SIM2: variants seen among roughly 807,000 people sequenced by gnomAD.
SIM2 encodes single-minded homolog 2.
In SIM2, 28 loss-of-function variants were observed where a neutral mutation model predicts 64.8. That is an observed-to-expected ratio of 0.43 (90% CI 0.32 to 0.59). The LOEUF is 0.59. Ranked by LOEUF, SIM2 falls within the 20% of genes least tolerant of loss-of-function variation. The pLI is 0.07. For missense variants in SIM2, 847 were observed against 871.4 expected, an observed-to-expected ratio of 0.97 and a Z score of 0.35; for synonymous variants, 408 against 391.1, an observed-to-expected ratio of 1.04 and a Z score of -0.51.
At position 36,749,316 on chromosome 21, in the gene SIM2, C is replaced by T. The variant is rs1429761524; in HGVS notation, c.*1224C>T. 2 of 152,588 alleles carry T rather than the reference C, an allele frequency of 1.3e-5. No individual in the cohort carries two copies. The highest frequency in any genetic ancestry group is 2.9e-5 in the Non-Finnish European group (2 of 68,034). 9.5% of individuals were successfully genotyped at this position (152,588 alleles called of 1,614,324 possible). A position where few individuals can be genotyped will look rare whatever the true frequency, so the allele number is the denominator to read the frequency against. On this transcript the variant is annotated 3_prime_UTR_variant, in exon 11 of 11. Transcript: ENST00000290399. Reference sequence around the variant, plus strand: ...CTATCAACACTGCAGCATTTTGCTGCTTTATCAAAATGGTTTATTTTAGGA... The same window carrying T: ...CTATCAACACTGCAGCATTTTGCTGTTTTATCAAAATGGTTTATTTTAGGA...
intron 3 of SIM2, 151 bp downstream of exon 3, chr21:36,712,773 C>T: frequency 1.7e-6 from 1 of 594,828 alleles, no homozygotes; most frequent in Non-Finnish European, 3.0e-6. Flanking sequence ...CTTCTCAGGA[C>T]ATCCTGCAGG....
rs1352416889 is a variant in SIM2, at chr21:36,699,954, G to A, written c.175+33G>A. The A allele has an allele frequency of 6.4e-7, 1 of 1,551,324 alleles. No individual in the cohort carries two copies. The highest frequency in any genetic ancestry group is 1.2e-5 in the South Asian group (1 of 82,904). On this transcript the variant is annotated intron_variant, in intron 1 of 10. Coordinates refer to ENST00000290399, the MANE Select transcript of SIM2 (RefSeq NM_005069.6). This position sits in a 1 kb window ranked among gnomAD's most constrained non-coding sequence, Gnocchi z 5.6. ...CTCAGGTGGGCGGCCGGGGACGCTG[G>A]GGAGCCCGGCGGCCCCGGCCCAGGC...
chr21:36,705,036 G>C (rs1478427880), intron 1 of SIM2, among the ~76,000 whole-genome samples: 1 of 152,210 alleles, frequency 6.6e-6, no homozygotes, highest in East Asian at 1.9e-4. Flanking sequence ...GGCTGTCCTA[G>C]AGCAACTAGG....
intron 7 of SIM2, among the ~76,000 whole-genome samples, chr21:36,732,590 G>C (rs537952508): frequency 6.6e-6 from 1 of 152,352 alleles, no homozygotes; most frequent in African/African-American, 2.4e-5. Flanking sequence ...GGCTGAGCAG[G>C]CACAGACGGC....
At chr21:36,741,399 A>T (rs2089156308) in intron 7 of SIM2, among the ~76,000 whole-genome samples, 1 of 152,184 alleles carries the variant, frequency 6.6e-6, no homozygotes, top group Non-Finnish European at 1.5e-5. Flanking sequence ...AGCAGATTGA[A>T]TTTTTTCATT....
chr21:36,733,576 T>TC (rs1491045155), intron 7 of SIM2, among the ~76,000 whole-genome samples: 366 of 148,696 alleles, frequency 2.5e-3, no homozygotes, highest in Non-Finnish European at 4.5e-3. Context: ...TTTTTTTTTT[T>TC]TCAGACAGAG....
intron 4 of SIM2, 115 bp from the exon 5 acceptor site, chr21:36,722,930 C>T: frequency 1.2e-6 from 1 of 803,588 alleles, no homozygotes; most frequent in Non-Finnish European, 2.2e-6. Context: ...TCTGGGCACA[C>T]TGAGAAGGCC....
intron 7 of SIM2, among the ~76,000 whole-genome samples, chr21:36,731,965 C>A (rs1057177449): frequency 6.6e-6 from 1 of 152,186 alleles, no homozygotes; most frequent in Non-Finnish European, 1.5e-5. Context: ...TCACTGCAAC[C>A]TCCGCCTCCT....
At chr21:36,737,340 T>C (rs535953140) in intron 7 of SIM2, among the ~76,000 whole-genome samples, 1 of 152,342 alleles carries the variant, frequency 6.6e-6, no homozygotes, top group Admixed American at 6.5e-5. Context: ...AAAGGCACCA[T>C]GCTCCAGCCT....
intron 1 of SIM2, among the ~76,000 whole-genome samples, chr21:36,706,354 C>G (rs1601685454): frequency 6.6e-6 from 1 of 152,070 alleles, no homozygotes; most frequent in East Asian, 1.9e-4. Context: ...GTGCAGGGAG[C>G]TCCCCTCCCC....
intron 1 of SIM2, among the ~76,000 whole-genome samples, chr21:36,707,595 A>T (rs990108802): frequency 3.3e-5 from 5 of 151,632 alleles, no homozygotes; most frequent in African/African-American, 9.7e-5. Flanking sequence ...GGTTTTTTTT[A>T]ACTTTTTTTT....
chr21:36,709,122 G>T (rs762862050), intron 1 of SIM2, 46 bp from the exon 2 acceptor site: 2 of 1,541,850 alleles, frequency 1.3e-6, no homozygotes, highest in African/African-American at 1.4e-5. Context: ...CCCAGGCATC[G>T]GGCTGGGCGC....
At chr21:36,725,874 G>A (rs1298762986) in intron 5 of SIM2, among the ~76,000 whole-genome samples, 1 of 152,180 alleles carries the variant, frequency 6.6e-6, no homozygotes, top group African/African-American at 2.4e-5. Flanking sequence ...CCCGACCTCG[G>A]CCTCCCAAAG....
At chr21:36,746,897 G>A (rs899980380) in intron 10 of SIM2, among the ~76,000 whole-genome samples, 1 of 152,230 alleles carries the variant, frequency 6.6e-6, no homozygotes, top group Non-Finnish European at 1.5e-5. Context: ...AAAAGTGAAA[G>A]AGGTTAACAA....
At position 36,747,573 on chromosome 21, in the gene SIM2, G is replaced by A. The variant is rs1244569089; in HGVS notation, c.1577-92G>A. On this transcript the variant is annotated intron_variant, in intron 10 of 10. Coordinates refer to ENST00000290399, the MANE Select transcript of SIM2 (RefSeq NM_005069.6). The surrounding 1 kb of genome is among the most constrained non-coding windows in gnomAD (Gnocchi z 4.5). ...ACCCCGCGGGTGCAGCGCGTGGGCG[G>A]CCGAGGGGTGGTGGCTGCGCCCGGG... 2.2e-6 allele frequency: 2 copies of A among 910,864 alleles called. No homozygotes were observed. The highest frequency in any genetic ancestry group is 2.7e-6 in the Non-Finnish European group (2 of 729,894). The allele number at this position is 910,864 out of a possible 1,614,324, so 56.4% of individuals were successfully genotyped here.
chr21:36,731,458 A>G (rs1351719960), intron 7 of SIM2, among the ~76,000 whole-genome samples: 50 of 152,206 alleles, frequency 3.3e-4, no homozygotes, highest in Admixed American at 3.1e-3. Flanking sequence ...TGCGAATAAC[A>G]GCAACAGTGG....
chr21:36,740,836 C>A (rs1355335224), intron 7 of SIM2, among the ~76,000 whole-genome samples: 1 of 152,232 alleles, frequency 6.6e-6, no homozygotes, highest in Non-Finnish European at 1.5e-5. Context: ...GTCCAGGGGC[C>A]AGTCCTGCCT....
chr21:36,718,411 C>T (rs971550857), intron 3 of SIM2, among the ~76,000 whole-genome samples: 1 of 152,182 alleles, frequency 6.6e-6, no homozygotes, highest in Admixed American at 6.5e-5. Flanking sequence ...GTTGTCTCTC[C>T]TCTGATGGAG....
intron 10 of SIM2, chr21:36,746,371 C>G (rs539183036): frequency 2.6e-5 from 4 of 153,028 alleles, no homozygotes; most frequent in African/African-American, 9.6e-5. Context: ...CACACCAGCC[C>G]CTGCTTAAGA....
Sources: allele counts gnomAD v4.1 joint callset (sites outside exome capture counted in the v4.1 genomes callset), GRCh38; gene constraint gnomAD v4.1.1; non-coding constraint Gnocchi (gnomAD v3.1); transcripts MANE v1.5; gene names NCBI Gene and HGNC (gene_info 2026-07-23, HGNC 2026-07-21).